The following TTLL11 variants were observed in gnomAD, a reference collection of about 807,000 sequenced individuals.
The protein encoded by TTLL11 is tubulin tyrosine ligase like 11, also known as tubulin polyglutamylase TTLL11.
Under a neutral mutation model 51.7 loss-of-function variants are expected in TTLL11, and 42 were observed. The observed-to-expected ratio is 0.81, with a 90% CI of 0.64 to 1.05. The LOEUF (loss-of-function observed/expected upper bound fraction) is 1.05. Among genes scored for constraint, TTLL11 ranks in the 50% least tolerant of loss-of-function variants. TTLL11 has a pLI of 0.00. For missense variants in TTLL11, 799 were observed against 940.4 expected (o/e 0.85, Z 1.97); for synonymous variants, 381 against 383.5 (o/e 0.99, Z 0.08).
intron 7 of TTLL11, among the ~76,000 whole-genome samples, chr9:121,864,250 G>A (rs958720832): frequency 2.0e-5 from 3 of 152,192 alleles, no homozygotes; most frequent in African/African-American, 4.8e-5. Context: ...CTTGGATACC[G>A]TTCTCAGAGA....
At chr9:121,921,612 T>A (rs1413070701) in intron 6 of TTLL11, among the ~76,000 whole-genome samples, 1 of 152,176 alleles carries the variant, frequency 6.6e-6, no homozygotes, top group Admixed American at 6.5e-5. Flanking sequence ...TAGGAGAAAT[T>A]CTGGCACCTG....
At chr9:122,064,135 T>A (rs1028733174) in intron 1 of TTLL11, among the ~76,000 whole-genome samples, 1 of 152,192 alleles carries the variant, frequency 6.6e-6, no homozygotes, top group Non-Finnish European at 1.5e-5. Flanking sequence ...CTTTTTAAAA[T>A]ATTAAGTTTA....
chr9:121,893,543 C>T (rs1024735186), intron 6 of TTLL11, among the ~76,000 whole-genome samples: 5 of 152,158 alleles, frequency 3.3e-5, no homozygotes, highest in African/African-American at 4.8e-5. Flanking sequence ...AGGTCTATGG[C>T]GGGAGAGGGA....
chr9:122,061,663 A>T (rs1845436377), intron 1 of TTLL11, among the ~76,000 whole-genome samples: 1 of 151,658 alleles, frequency 6.6e-6, no homozygotes, highest in Non-Finnish European at 1.5e-5. Context: ...TTTGAGATGG[A>T]GTCTCACTCC....
intron 8 of TTLL11, among the ~76,000 whole-genome samples, chr9:121,839,683 G>GGGCAAATTGGAAGACA (rs1363669488): frequency 6.6e-6 from 1 of 152,096 alleles, no homozygotes; most frequent in Non-Finnish European, 1.5e-5. Context: ...ATTGGAAGAC[G>GGGCAAATTGGAAGACA]GGCAAATTGG....
chr9:121,898,973 G>A (rs963323317), intron 6 of TTLL11, among the ~76,000 whole-genome samples: 4 of 152,232 alleles, frequency 2.6e-5, no homozygotes, highest in East Asian at 1.9e-4. Flanking sequence ...CTGATAACTC[G>A]GGAAATCTTG....
intron 6 of TTLL11, among the ~76,000 whole-genome samples, chr9:121,936,997 CA>C (rs1213977692): frequency 6.6e-6 from 1 of 152,196 alleles, no homozygotes; most frequent in African/African-American, 2.4e-5. Context: ...CCACAAAATG[CA>C]GACAAGGATT....
At chr9:121,827,097 A>G (rs1836836093) in intron 8 of TTLL11, among the ~76,000 whole-genome samples, 1 of 152,094 alleles carries the variant, frequency 6.6e-6, no homozygotes, top group South Asian at 2.1e-4. Context: ...GTCTGATCAC[A>G]TTTTCTAGTC....
intron 8 of TTLL11, among the ~76,000 whole-genome samples, chr9:121,859,373 C>T (rs973279298): frequency 4.6e-5 from 7 of 150,946 alleles, no homozygotes; most frequent in Non-Finnish European, 7.4e-5. Context: ...TGGTGGCTTG[C>T]ACCTGTAATC....
intron 3 of TTLL11, among the ~76,000 whole-genome samples, chr9:122,019,670 C>T (rs575808900): frequency 1.3e-5 from 2 of 152,284 alleles, no homozygotes; most frequent in East Asian, 3.9e-4. Context: ...AGGCTGGTCT[C>T]GAACTCCTGG....
chr9:122,045,980 G>T (rs1050525580), intron 1 of TTLL11, among the ~76,000 whole-genome samples: 1 of 152,202 alleles, frequency 6.6e-6, no homozygotes, highest in Non-Finnish European at 1.5e-5. Flanking sequence ...GACAGTGATG[G>T]TTGGACAGCA....
intron 3 of TTLL11, among the ~76,000 whole-genome samples, chr9:122,020,784 G>A (rs893518974): frequency 6.6e-6 from 1 of 152,174 alleles, no homozygotes; most frequent in African/African-American, 2.4e-5. Context: ...TACCAGGTAG[G>A]CAAACAATGA....
chr9:122,031,811 C>A lies in TTLL11; in HGVS notation c.605G>T (p.Arg202Ile). Residue 202 changes from arginine (R) to isoleucine (I), a missense_variant, in exon 3 of 9, where the codon AGA (arginine) becomes ATA (isoleucine). Physicochemically the swap from Arg to Ile is moderately conservative, Grantham distance 97. Around this residue, in one of 3 missense-constraint regions of TTLL11, gnomAD observed 468 missense variants for 612.8 expected, o/e 0.76. Transcript: ENST00000321582. Reference protein sequence around the residue: ...VRKITLSRAVRTMQNLFPEEY... With the variant: ...VRKITLSRAVITMQNLFPEEY... ...CTCAGGAAAGAGATTCTGCATGGTTCTCACTGCTCTGCTCAGAGTAATTTT... is the reference window on the plus strand; with the variant it reads ...CTCAGGAAAGAGATTCTGCATGGTTATCACTGCTCTGCTCAGAGTAATTTT... 6.2e-7 allele frequency: 1 copy of A among 1,614,120 alleles called. No homozygotes were observed. The highest frequency in any genetic ancestry group is 1.1e-5 in the South Asian group (1 of 91,070).
intron 6 of TTLL11, among the ~76,000 whole-genome samples, chr9:121,973,009 G>A (rs1842614124): frequency 6.6e-6 from 1 of 152,212 alleles, no homozygotes; most frequent in Non-Finnish European, 1.5e-5. Flanking sequence ...TTCGTCTAGG[G>A]ATATGAGAAG....
rs1257066657 is a variant in TTLL11 at position 121,826,575 on chromosome 9, A to ATGTG, written c.1841-3697_1841-3696insCACA. 5.7e-4 allele frequency among the ~76,000 whole-genome samples: 63 copies of ATGTG among 110,104 alleles called. 1 individual carries two copies. Among genetic ancestry groups the ATGTG allele is most frequent in the Non-Finnish European group, 1.1e-3 (57 of 51,476 alleles). The allele number at this position is 110,104 out of a possible 152,430, so 72.2% of individuals were successfully genotyped here. On this transcript the variant is annotated intron_variant, in intron 8 of 8. Coordinates refer to ENST00000321582, the MANE Select transcript of TTLL11 (RefSeq NM_001139442.2). ...TGTGTGTGTATATATATATATATAT[A>ATGTG]TATATATGTATATGGTTTTATACCA... is the stretch of plus-strand genomic sequence containing the variant.
In TTLL11 at chr9:121,818,645, G is replaced by C. The variant is rs184270121; in HGVS notation, c.*3942C>G. On this transcript the variant is annotated 3_prime_UTR_variant, in exon 9 of 9. Coordinates refer to ENST00000321582, the MANE Select transcript of TTLL11 (RefSeq NM_001139442.2). ...CACTCTGTTTGGGGGATTGCAGCGGGGACACTGGAACTGAACCTTGAAAGT... is the reference window on the plus strand; with the variant it reads ...CACTCTGTTTGGGGGATTGCAGCGGCGACACTGGAACTGAACCTTGAAAGT... 15 of 152,488 alleles carry C rather than the reference G, an allele frequency of 9.8e-5. No individual in the cohort carries two copies. In the East Asian group the frequency reaches 2.9e-3, roughly 29 times the overall value. The allele number at this position is 152,488 out of a possible 1,614,324, so 9.4% of individuals were successfully genotyped here.
At chr9:121,915,990 T>TACACACACACAC (rs59554930) in intron 6 of TTLL11, among the ~76,000 whole-genome samples, 6 of 134,252 alleles carry the variant, frequency 4.5e-5, no homozygotes, top group African/African-American at 9.1e-5. Flanking sequence ...GACACACACA[T>TACACACACACAC]ACACACACAC....
At chr9:122,019,522 C>T (rs1265222954) in intron 3 of TTLL11, among the ~76,000 whole-genome samples, 2 of 152,092 alleles carry the variant, frequency 1.3e-5, no homozygotes, top group Non-Finnish European at 2.9e-5. Flanking sequence ...TGATCTTGGC[C>T]CACTGCAGCC....
intron 6 of TTLL11, among the ~76,000 whole-genome samples, chr9:121,916,037 A>G (rs956431386): frequency 2.0e-5 from 3 of 149,378 alleles, no homozygotes; most frequent in African/African-American, 7.4e-5. Context: ...ACACACACTG[A>G]GGGGGTTCCT....
Sources: allele counts gnomAD v4.1 joint callset (sites outside exome capture counted in the v4.1 genomes callset), GRCh38; gene constraint gnomAD v4.1.1; regional missense constraint gnomAD v4.1.1; transcripts MANE v1.5; gene names NCBI Gene and HGNC (gene_info 2026-07-23, HGNC 2026-07-21).